Variants in RYR2 observed in about 807,000 individuals in gnomAD.
RYR2 encodes ryanodine receptor 2, also known as cardiac muscle ryanodine receptor-calcium release channel.
Under a neutral mutation model 601.1 loss-of-function variants are expected in RYR2, and 227 were observed. That is an observed-to-expected ratio of 0.38 (90% CI 0.34 to 0.42). The LOEUF is 0.42. Among genes scored for constraint, RYR2 ranks in the 10% least tolerant of loss-of-function variants. The pLI is 1.00. For missense variants in RYR2, 4,646 were observed against 6,156.5 expected (o/e 0.75, Z 8.21); for synonymous variants, 2,223 against 2,175.1 (o/e 1.02, Z -0.61).
Position 237,441,471 on chromosome 1 carries a change from T to G in RYR2, c.1158T>G (p.Ser386=). 1.3e-6 allele frequency: 2 copies of G among 1,542,550 alleles called. No individual in the cohort carries two copies. Among genetic ancestry groups the G allele is most frequent in the Non-Finnish European group, 1.8e-6 (2 of 1,140,258 alleles). Residue 386 remains serine, a synonymous_variant, in exon 13 of 105, where the codon TCT becomes TCG. Transcript: ENST00000366574. ...SVDVKSVRMG[S]IQRKAIMHHE... is the part of the protein sequence containing the mutation. ...ACGTGAAATCCGTGAGAATGGGATC[T>G]ATACAACGTAAGGTAAGGTGATAGA...
Position 237,310,111 on chromosome 1 carries a change from C to T in RYR2, c.169-20767C>T, listed in dbSNP as rs567729358. ...CCTAAAGCATGGCCAGAGTGGGTGC[C>T]GAGGCCGAGGAGGTGCTGAGAGTGA... On this transcript the variant is annotated intron_variant, in intron 2 of 104. Coordinates refer to ENST00000366574, the MANE Select transcript of RYR2 (RefSeq NM_001035.3). 6.8e-4 allele frequency among the ~76,000 whole-genome samples: 103 copies of T among 152,286 alleles called. No homozygotes were observed. The Middle Eastern group carries it at 0.01, about 15-fold the overall frequency.
intron 35 of RYR2, among the ~76,000 whole-genome samples, chr1:237,602,342 A>G (rs1412674968): frequency 1.3e-5 from 2 of 151,700 alleles, no homozygotes; most frequent in Admixed American, 1.3e-4. Context: ...AAAGGCCTAT[A>G]GAAAAAAAAA....
At chr1:237,427,883 T>C (rs900748971) in intron 12 of RYR2, among the ~76,000 whole-genome samples, 1 of 147,940 alleles carries the variant, frequency 6.8e-6, no homozygotes, top group Non-Finnish European at 1.5e-5. Flanking sequence ...CAAAAAAGGA[T>C]ATTGCATGGT....
chr1:237,046,642 C>T (rs930195297), intron 1 of RYR2, among the ~76,000 whole-genome samples: 5 of 152,156 alleles, frequency 3.3e-5, no homozygotes, highest in Non-Finnish European at 7.4e-5. Context: ...ACGCTTAGGG[C>T]ACTAATTTAT....
intron 21 of RYR2, among the ~76,000 whole-genome samples, chr1:237,501,267 C>T (rs1664610157): frequency 6.7e-6 from 1 of 148,802 alleles, no homozygotes; most frequent in Non-Finnish European, 1.5e-5. Flanking sequence ...ATTCATTTTC[C>T]TTTTTTAAGA....
At chr1:237,635,581 C>T (rs1680792568) in intron 44 of RYR2, among the ~76,000 whole-genome samples, 1 of 152,166 alleles carries the variant, frequency 6.6e-6, no homozygotes, top group African/African-American at 2.4e-5. Flanking sequence ...GTTGCAATAG[C>T]ATTCCAAGTA....
At chr1:237,059,903 G>C (rs1047239753) in intron 1 of RYR2, among the ~76,000 whole-genome samples, 1 of 152,136 alleles carries the variant, frequency 6.6e-6, no homozygotes, top group African/African-American at 2.4e-5. Flanking sequence ...CCTCCTGTGT[G>C]TCAGGTGTCT....
At position 237,449,510 on chromosome 1, in the gene RYR2, G is replaced by T. The variant is rs73106479; in HGVS notation, c.1292+3988G>T. Among the ~76,000 whole-genome samples, 991 of 152,102 alleles carry T rather than the reference G, an allele frequency of 6.5e-3. 21 individuals carry two copies. In the East Asian group the frequency reaches 0.085, roughly 13 times the overall value. On this transcript the variant is annotated intron_variant, in intron 14 of 104. Transcript: ENST00000366574. ...TTTAAAATCAATTAGTTTTTAAAGAGATTTAAATAACAAAAACATCTATAT... is the reference window on the plus strand; with the variant it reads ...TTTAAAATCAATTAGTTTTTAAAGATATTTAAATAACAAAAACATCTATAT...
At chr1:237,411,705 C>G (rs893751306) in intron 10 of RYR2, among the ~76,000 whole-genome samples, 3 of 152,068 alleles carry the variant, frequency 2.0e-5, no homozygotes, top group African/African-American at 4.8e-5. Context: ...GAAAATGAGA[C>G]AGAGAGGTCA....
intron 17 of RYR2, among the ~76,000 whole-genome samples, chr1:237,472,327 T>C (rs975833509): frequency 2.6e-5 from 4 of 152,196 alleles, no homozygotes; most frequent in African/African-American, 9.7e-5. Flanking sequence ...AACTGAAGAA[T>C]TCTTGAGTAG....
In RYR2 at chr1:237,145,065, T is replaced by G. The variant is rs1216224767; in HGVS notation, c.48+102496T>G. ...GGGGAACATCATACACTGGGGCCTG[T>G]CGGGGGGTTGGGGGAGCTAGGGGAG... is the stretch of plus-strand genomic sequence containing the variant. On this transcript the variant is annotated intron_variant, in intron 1 of 104. Coordinates refer to ENST00000366574, the MANE Select transcript of RYR2 (RefSeq NM_001035.3). 2.0e-5 allele frequency among the ~76,000 whole-genome samples: 3 copies of G among 149,358 alleles called. No homozygotes were observed. The South Asian group carries it at 6.4e-4, about 32-fold the overall frequency.
chr1:237,129,063 A>G (rs1197531764), intron 1 of RYR2, among the ~76,000 whole-genome samples: 1 of 152,178 alleles, frequency 6.6e-6, no homozygotes, highest in African/African-American at 2.4e-5. Context: ...TAGACATTCA[A>G]GGGCAAATGG....
chr1:237,550,480 T>C (rs2148111697), intron 26 of RYR2, 64 bp from the exon 27 acceptor site: 2 of 1,548,504 alleles, frequency 1.3e-6, no homozygotes, highest in Admixed American at 3.9e-5. Flanking sequence ...ATGTATTTGG[T>C]AGCTACTTAT....
At chr1:237,566,907 C>A in intron 28 of RYR2, 132 bp downstream of exon 28, 1 of 931,952 alleles carries the variant, frequency 1.1e-6, no homozygotes, top group Non-Finnish European at 1.7e-6. Context: ...CACAGGAAAG[C>A]TTTTGTCCTC....
At chr1:237,521,471 G>A (rs528262533) in intron 24 of RYR2, among the ~76,000 whole-genome samples, 2 of 152,262 alleles carry the variant, frequency 1.3e-5, no homozygotes, top group African/African-American at 4.8e-5. Context: ...TGTAATCTCA[G>A]CACTTTGGGA....
intron 7 of RYR2, among the ~76,000 whole-genome samples, chr1:237,375,649 C>T (rs1369088077): frequency 2.0e-5 from 3 of 152,082 alleles, no homozygotes; most frequent in African/African-American, 7.2e-5. Context: ...ACCAATGCAT[C>T]GTCTTATAAA....
At chr1:237,077,813 C>A (rs1156816701) in intron 1 of RYR2, among the ~76,000 whole-genome samples, 2 of 152,168 alleles carry the variant, frequency 1.3e-5, no homozygotes, top group Admixed American at 1.3e-4. Flanking sequence ...CCCAAATCAA[C>A]AGAATATACA....
Position 237,106,350 on chromosome 1 carries a change from C to T in RYR2, c.48+63781C>T, listed in dbSNP as rs963004505. ...CGGTGGCAGCAGGGGGAGGTGGCAC[C>T]GAGCAGCAGGACCCTGGATATTTTT... On this transcript the variant is annotated intron_variant, in intron 1 of 104. Coordinates refer to ENST00000366574, the MANE Select transcript of RYR2 (RefSeq NM_001035.3). This position sits in a 1 kb window ranked among gnomAD's most constrained non-coding sequence, Gnocchi z 4.4. Among the ~76,000 whole-genome samples, 2 of 152,000 alleles carry T rather than the reference C, an allele frequency of 1.3e-5. No homozygotes were observed. The highest frequency in any genetic ancestry group is 2.4e-5 in the African/African-American group (1 of 41,374).
intron 1 of RYR2, among the ~76,000 whole-genome samples, chr1:237,219,143 C>G (rs1277236851): frequency 6.6e-6 from 1 of 151,444 alleles, no homozygotes; most frequent in Non-Finnish European, 1.5e-5. Flanking sequence ...TCTCGAATAG[C>G]TGGGATTACA....
Sources: gnomAD v4.1 joint callset for allele counts (sites outside exome capture counted in the v4.1 genomes callset) on GRCh38, gnomAD v4.1.1 for gene constraint, Gnocchi (gnomAD v3.1) non-coding constraint, MANE v1.5 for transcripts, NCBI Gene and HGNC (gene_info 2026-07-23, HGNC 2026-07-21) for gene names.